KCNIP4: variants seen among roughly 807,000 people sequenced by gnomAD.
KCNIP4 encodes Kv channel-interacting protein 4.
Under a neutral mutation model 34.0 loss-of-function variants are expected in KCNIP4, and 12 were observed. That is an observed-to-expected ratio of 0.35 (90% CI 0.23 to 0.57). The LOEUF is 0.57. KCNIP4 is among the 20% of genes least tolerant of loss of function. The pLI is 0.83. For missense variants in KCNIP4, 238 were observed against 311.7 expected (o/e 0.76, Z 1.78); for synonymous variants, 124 against 102.2 (o/e 1.21, Z -1.29).
intron 1 of KCNIP4, among the ~76,000 whole-genome samples, chr4:20,922,491 G>A (rs1030558216): frequency 1.3e-5 from 2 of 151,778 alleles, no homozygotes; most frequent in Non-Finnish European, 1.5e-5. Flanking sequence ...CAAATGGTGG[G>A]ACTTCTAGAC....
chr4:21,315,734 A>C (rs1023347856), intron 1 of KCNIP4, among the ~76,000 whole-genome samples: 2 of 152,106 alleles, frequency 1.3e-5, no homozygotes, highest in African/African-American at 4.8e-5. Flanking sequence ...TATGGCATCC[A>C]CTCAACACAT....
At chr4:21,440,609 G>A (rs1436674581) in intron 1 of KCNIP4, among the ~76,000 whole-genome samples, 1 of 152,182 alleles carries the variant, frequency 6.6e-6, no homozygotes, top group Admixed American at 6.5e-5. Context: ...CCGCCGGATG[G>A]AACTGTTCAT....
chr4:20,832,688 G>A (rs1299781340), intron 3 of KCNIP4, among the ~76,000 whole-genome samples: 3 of 149,520 alleles, frequency 2.0e-5, no homozygotes, highest in African/African-American at 7.4e-5. Flanking sequence ...AAGTGGTTTT[G>A]CTTATTTCCT....
intron 1 of KCNIP4, among the ~76,000 whole-genome samples, chr4:21,270,555 G>T (rs1037592052): frequency 6.6e-6 from 1 of 152,158 alleles, no homozygotes; most frequent in African/African-American, 2.4e-5. Context: ...TTATGCACAT[G>T]ATAATTATGT....
intron 1 of KCNIP4, among the ~76,000 whole-genome samples, chr4:21,483,528 G>A (rs867815051): frequency 3.9e-5 from 6 of 151,970 alleles, no homozygotes; most frequent in South Asian, 2.1e-4. Context: ...GGTGGTGCAC[G>A]CCTGTAATCC....
intron 1 of KCNIP4, among the ~76,000 whole-genome samples, chr4:21,142,950 G>A (rs1219032543): frequency 6.6e-6 from 1 of 151,412 alleles, no homozygotes; most frequent in Non-Finnish European, 1.5e-5. Context: ...AGAGAAGTGT[G>A]GATCCTGCAA....
At chr4:21,342,394 A>AT (rs1553864508) in intron 1 of KCNIP4, among the ~76,000 whole-genome samples, 2 of 152,150 alleles carry the variant, frequency 1.3e-5, no homozygotes, top group East Asian at 3.9e-4. Context: ...ATTCAAAGCT[A>AT]TTTTTATATC....
intron 1 of KCNIP4, among the ~76,000 whole-genome samples, chr4:21,611,153 C>CT (rs1259423451): frequency 2.0e-5 from 3 of 152,072 alleles, no homozygotes; most frequent in African/African-American, 7.2e-5. Context: ...TGAACTCATC[C>CT]TTTTTTATGG....
chr4:21,740,882 A>T (rs1716353261), intron 1 of KCNIP4, among the ~76,000 whole-genome samples: 1 of 152,162 alleles, frequency 6.6e-6, no homozygotes, highest in Admixed American at 6.5e-5. Flanking sequence ...TCAAGAAAAG[A>T]AAATATGCTC....
At chr4:20,819,702 G>T (rs561192387) in intron 3 of KCNIP4, among the ~76,000 whole-genome samples, 2 of 152,148 alleles carry the variant, frequency 1.3e-5, no homozygotes, top group Non-Finnish European at 2.9e-5. Context: ...TGAGTGCTTC[G>T]CCTCATTAAT....
intron 1 of KCNIP4, among the ~76,000 whole-genome samples, chr4:21,743,876 A>C (rs1177446537): frequency 1.3e-5 from 2 of 150,556 alleles, no homozygotes; most frequent in East Asian, 3.9e-4. Flanking sequence ...TAGTTAATGG[A>C]ATTTTGAAAA....
At chr4:21,599,020 C>T (rs553193385) in intron 1 of KCNIP4, among the ~76,000 whole-genome samples, 1 of 152,196 alleles carries the variant, frequency 6.6e-6, no homozygotes, top group South Asian at 2.1e-4. Context: ...TGTATCATCG[C>T]TGCAGTCCTA....
chr4:21,157,334 C>T (rs1345563718), intron 1 of KCNIP4, among the ~76,000 whole-genome samples: 1 of 114,376 alleles, frequency 8.7e-6, no homozygotes, highest in Non-Finnish European at 1.8e-5. Context: ...TATTTGCATT[C>T]AATGTATTCT....
chr4:20,945,111 G>A (rs1732056818), intron 1 of KCNIP4, among the ~76,000 whole-genome samples: 1 of 152,146 alleles, frequency 6.6e-6, no homozygotes. Context: ...TCCAGAGTGT[G>A]GTTGATGAAC....
intron 1 of KCNIP4, among the ~76,000 whole-genome samples, chr4:21,439,506 C>A (rs181645908): frequency 6.6e-6 from 1 of 152,170 alleles, no homozygotes; most frequent in Non-Finnish European, 1.5e-5. Flanking sequence ...ATCTCCACTG[C>A]AGAGGCTGTG....
chr4:20,889,506 T>C (rs1310607723), intron 1 of KCNIP4, among the ~76,000 whole-genome samples: 1 of 152,112 alleles, frequency 6.6e-6, no homozygotes, highest in East Asian at 1.9e-4. Flanking sequence ...AAGATGCAAC[T>C]GTATGAACTC....
At chr4:21,801,437 T>C (rs1720988069) in intron 1 of KCNIP4, among the ~76,000 whole-genome samples, 1 of 151,952 alleles carries the variant, frequency 6.6e-6, no homozygotes, top group Admixed American at 6.6e-5. Context: ...ATTATAGAAA[T>C]TGTGCCATGG....
intron 1 of KCNIP4, among the ~76,000 whole-genome samples, chr4:21,868,279 T>C (rs890201342): frequency 6.6e-6 from 1 of 152,208 alleles, no homozygotes; most frequent in Non-Finnish European, 1.5e-5. Context: ...AACTGTACTA[T>C]TTCCAATAAC....
chr4:21,584,915 A>T (rs1262681033), intron 1 of KCNIP4, among the ~76,000 whole-genome samples: 1 of 152,094 alleles, frequency 6.6e-6, no homozygotes, highest in Non-Finnish European at 1.5e-5. Context: ...AAGCAAGTGT[A>T]ACCATTTCTT....
Sources: allele counts gnomAD v4.1 joint callset (sites outside exome capture counted in the v4.1 genomes callset), GRCh38; gene constraint gnomAD v4.1.1; transcripts MANE v1.5; gene names NCBI Gene and HGNC (gene_info 2026-07-23, HGNC 2026-07-21).